FARP1: variants seen among roughly 807,000 people sequenced by gnomAD.
FARP1 encodes the protein FERM, ARH/RhoGEF and pleckstrin domain protein 1, also known as FERM, ARHGEF and pleckstrin domain-containing protein 1.
Under a neutral mutation model 128.8 loss-of-function variants are expected in FARP1, and 52 were observed. The observed-to-expected ratio is 0.40, with a 90% confidence interval of 0.32 to 0.51. The LOEUF is 0.51. Ranked by LOEUF, FARP1 falls within the 20% of genes least tolerant of loss-of-function variation. FARP1 has a pLI of 0.45. For synonymous variants in FARP1, 580 were observed against 551.8 expected, an observed-to-expected ratio of 1.05 and a Z score of -0.72; for missense variants, 1,333 against 1,367.9, an observed-to-expected ratio of 0.97 and a Z score of 0.40.
chr13:98,439,218 G>C, intron 21 of FARP1, 22 bp downstream of exon 21: 2 of 1,565,644 alleles, frequency 1.3e-6, no homozygotes, highest in Non-Finnish European at 1.8e-6. Context: ...ACAGGCTCGT[G>C]GCCAGGGCCT....
intron 2 of FARP1, among the ~76,000 whole-genome samples, chr13:98,336,882 C>G (rs1210331245): frequency 6.6e-6 from 1 of 152,202 alleles, no homozygotes; most frequent in Non-Finnish European, 1.5e-5. Flanking sequence ...AATTTCATTA[C>G]ATAGTTTCAC....
chr13:98,316,139 TG>T (rs1298640794), intron 2 of FARP1, among the ~76,000 whole-genome samples: 1 of 152,158 alleles, frequency 6.6e-6, no homozygotes, highest in Non-Finnish European at 1.5e-5. Flanking sequence ...TCTCATTCAG[TG>T]TGTGTCAACC....
chr13:98,348,196 G>T (rs1888258992), intron 3 of FARP1, among the ~76,000 whole-genome samples: 1 of 152,214 alleles, frequency 6.6e-6, no homozygotes, highest in Non-Finnish European at 1.5e-5. Context: ...AGAGTTGATT[G>T]CAGTGTTGAC....
chr13:98,173,612 A>T (rs1386047143), intron 1 of FARP1, among the ~76,000 whole-genome samples: 3 of 152,170 alleles, frequency 2.0e-5, no homozygotes, highest in South Asian at 4.1e-4. Context: ...GTTTTGCCAG[A>T]TTTTTCTCAT....
chr13:98,260,588 G>A (rs980284015), intron 2 of FARP1, among the ~76,000 whole-genome samples: 1 of 152,080 alleles, frequency 6.6e-6, no homozygotes, highest in African/African-American at 2.4e-5. Flanking sequence ...AATCCAGCTG[G>A]CCCACGAGCA....
intron 13 of FARP1, chr13:98,407,243 C>T (rs1216598183): frequency 1.3e-5 from 2 of 152,666 alleles, no homozygotes; most frequent in Non-Finnish European, 2.9e-5. Context: ...AACTCTCCAA[C>T]AGCAACTCAC....
intron 2 of FARP1, among the ~76,000 whole-genome samples, chr13:98,343,116 T>A (rs570312373): frequency 6.6e-6 from 1 of 152,174 alleles, no homozygotes; most frequent in African/African-American, 2.4e-5. Flanking sequence ...ATGAGTCCTG[T>A]ATGAGTCCAG....
At chr13:98,208,953 T>C (rs2139304756) in intron 1 of FARP1, among the ~76,000 whole-genome samples, 1 of 152,318 alleles carries the variant, frequency 6.6e-6, no homozygotes, top group South Asian at 2.1e-4. Flanking sequence ...AAAATGAGAT[T>C]TGGAAACCGG....
rs1893012715 is a variant in FARP1 at position 98,448,592 on chromosome 13, A to G, written c.*275A>G. 1 of 406,200 alleles carries G rather than the reference A, an allele frequency of 2.5e-6. No homozygotes were observed. 25.2% of individuals were successfully genotyped at this position (406,200 alleles called of 1,614,324 possible). ...TGTCATTACGAGAGTGCCAAATGAC[A>G]TCTTCCCTCCACCCTGCCCCTGAAA... On this transcript the variant is annotated 3_prime_UTR_variant, in exon 27 of 27. Transcript: ENST00000319562.
intron 1 of FARP1, among the ~76,000 whole-genome samples, chr13:98,194,527 T>C (rs9584769): frequency 0.68 from 103,462 of 152,208 alleles, 36,339 homozygotes; most frequent in Non-Finnish European, 0.77. Context: ...TCAAAGTCAT[T>C]GCCAAGGTCT....
chr13:98,333,829 A>G (rs1238892017), intron 2 of FARP1: 5 of 151,602 alleles, frequency 3.3e-5, no homozygotes, highest in Non-Finnish European at 5.9e-5. Flanking sequence ...CCAGCTCCCC[A>G]GGGTTTGGAT....
chr13:98,220,031 A>G (rs1207068282), intron 2 of FARP1, among the ~76,000 whole-genome samples: 1 of 129,312 alleles, frequency 7.7e-6, no homozygotes, highest in Non-Finnish European at 1.6e-5. Context: ...GGTAAGCTGA[A>G]GAAAGTATTT....
At chr13:98,196,145 A>T (rs1879557584) in intron 1 of FARP1, among the ~76,000 whole-genome samples, 1 of 152,176 alleles carries the variant, frequency 6.6e-6, no homozygotes, top group Non-Finnish European at 1.5e-5. Context: ...CAGCAGCTTG[A>T]TTGGCACTTT....
chr13:98,349,700 A>G (rs866532833), intron 3 of FARP1, among the ~76,000 whole-genome samples: 2,010 of 144,314 alleles, frequency 0.014, 58 homozygotes, highest in African/African-American at 0.05. Flanking sequence ...AAAAAAAAAA[A>G]AAGACAATGC....
At chr13:98,373,911 A>G (rs1889465736) in intron 5 of FARP1, among the ~76,000 whole-genome samples, 1 of 152,226 alleles carries the variant, frequency 6.6e-6, no homozygotes, top group South Asian at 2.1e-4. Context: ...CCCTTTCATT[A>G]TTATAATAGT....
chr13:98,151,660 C>CTTTTTTTTTTTTTTGTTTTT (rs1876011586), intron 1 of FARP1, among the ~76,000 whole-genome samples: 1 of 69,224 alleles, frequency 1.4e-5, no homozygotes, highest in African/African-American at 4.4e-5. Flanking sequence ...TATCTTCCAT[C>CTTTTTTTTTTTTTTGTTTTT]TTTTTTTTTT....
chr13:98,313,242 TAC>T (rs71111943), intron 2 of FARP1, among the ~76,000 whole-genome samples: 8,102 of 119,874 alleles, frequency 0.068, 767 homozygotes, highest in African/African-American at 0.22. Context: ...TGGGTCATAA[TAC>T]ACACACACAC....
intron 2 of FARP1, among the ~76,000 whole-genome samples, chr13:98,240,604 T>G (rs1391731602): frequency 6.6e-6 from 1 of 152,158 alleles, no homozygotes; most frequent in African/African-American, 2.4e-5. Flanking sequence ...ACATTAGAGC[T>G]GAGATGAAAA....
At chr13:98,238,737 A>G (rs928428012) in intron 2 of FARP1, among the ~76,000 whole-genome samples, 2 of 152,206 alleles carry the variant, frequency 1.3e-5, no homozygotes, top group African/African-American at 4.8e-5. Context: ...ACATGTGGGA[A>G]GTATGGGAAC....
Sources: allele counts gnomAD v4.1 joint callset (sites outside exome capture counted in the v4.1 genomes callset), GRCh38; gene constraint gnomAD v4.1.1; transcripts MANE v1.5; gene names NCBI Gene and HGNC (gene_info 2026-07-23, HGNC 2026-07-21).